Variants in GNG7 observed in about 807,000 individuals in gnomAD.
GNG7 encodes G protein subunit gamma 7.
GNG7 carries 1 observed loss-of-function variant against 4.0 expected under a neutral mutation model. The ratio of observed to expected loss-of-function variants is 0.25; its 90% CI spans 0.09 to 1.18. The LOEUF is 1.18. Ranked by LOEUF, GNG7 falls within the 50% of genes most tolerant of loss-of-function variation. The probability of loss-of-function intolerance (pLI) is 0.50; values close to 1 mark genes in which losing one functional copy is unlikely to be tolerated. For missense variants in GNG7, 86 were observed against 91.9 expected (o/e 0.94, Z 0.26); for synonymous variants, 34 against 36.9 (o/e 0.92, Z 0.29).
intron 2 of GNG7, among the ~76,000 whole-genome samples, chr19:2,556,501 G>C (rs561966930): frequency 3.9e-5 from 6 of 152,312 alleles, no homozygotes; most frequent in African/African-American, 1.4e-4. Context: ...CAAACCAATG[G>C]GTTTTTTTCC....
In GNG7 at chr19:2,513,197, A is replaced by G; in HGVS notation, c.*1825T>C. The G allele has an allele frequency of 4.4e-6, 4 of 919,448 alleles. No individual in the cohort carries two copies. The highest frequency in any genetic ancestry group is 3.9e-6 in the Non-Finnish European group (3 of 769,734). 57.0% of individuals were successfully genotyped at this position (919,448 alleles called of 1,614,324 possible). The stretch of plus-strand genomic sequence containing the variant: ...AACCCTGGCAGTCACCAGCTCAGGA[A>G]GTGAGCCAAGCAGGGATCCCCGCCT... On this transcript the variant is annotated 3_prime_UTR_variant, in exon 5 of 5. Coordinates refer to ENST00000382159, the MANE Select transcript of GNG7 (RefSeq NM_052847.3).
intron 2 of GNG7, among the ~76,000 whole-genome samples, chr19:2,561,100 C>G (rs184879691): frequency 6.6e-6 from 1 of 152,168 alleles, no homozygotes; most frequent in Non-Finnish European, 1.5e-5. Flanking sequence ...CTCTCCCTCC[C>G]CCATTCAAGG....
At chr19:2,661,670 TAAAAAA>T (rs57483197) in intron 1 of GNG7, among the ~76,000 whole-genome samples, 32,462 of 108,180 alleles carry the variant, frequency 0.3, 4,812 homozygotes, top group East Asian at 0.61. Context: ...GAGACTCCAT[TAAAAAA>T]AAAAAAAAAA....
chr19:2,554,429 G>A (rs1227090734), intron 3 of GNG7, among the ~76,000 whole-genome samples: 3 of 149,046 alleles, frequency 2.0e-5, no homozygotes, highest in South Asian at 2.1e-4. Context: ...CTGCAACCCC[G>A]AACTCCTGGG....
At chr19:2,594,480 C>T (rs1980955996) in intron 2 of GNG7, among the ~76,000 whole-genome samples, 1 of 151,914 alleles carries the variant, frequency 6.6e-6, no homozygotes, top group Non-Finnish European at 1.5e-5. Context: ...TAAAAAATTA[C>T]ATATAGTGGA....
intron 2 of GNG7, chr19:2,641,969 G>C (rs1291545137): frequency 2.0e-5 from 3 of 152,082 alleles, no homozygotes; most frequent in Non-Finnish European, 4.4e-5. Flanking sequence ...CTGGCCCTAC[G>C]TTAGACTTCT....
intron 3 of GNG7, among the ~76,000 whole-genome samples, chr19:2,543,053 C>T (rs551145568): frequency 6.6e-6 from 1 of 151,814 alleles, no homozygotes; most frequent in Non-Finnish European, 1.5e-5. Context: ...GCTGGGATTA[C>T]AGGCATCCAC....
At chr19:2,631,611 A>G (rs1329924345) in intron 2 of GNG7, among the ~76,000 whole-genome samples, 2 of 152,156 alleles carry the variant, frequency 1.3e-5, no homozygotes, top group African/African-American at 2.4e-5. Flanking sequence ...ATAAAACTTT[A>G]TTTATACAAA....
intron 2 of GNG7, among the ~76,000 whole-genome samples, chr19:2,625,986 C>T (rs898676610): frequency 7.4e-4 from 112 of 152,184 alleles, no homozygotes; most frequent in African/African-American, 2.7e-3. Flanking sequence ...TGGGGTTTCA[C>T]TATGTTGGCC....
At chr19:2,642,812 A>T (rs1490698872) in intron 2 of GNG7, 1 of 456,762 alleles carries the variant, frequency 2.2e-6, no homozygotes, top group Non-Finnish European at 4.4e-6. Context: ...ATGTTTGAAG[A>T]AGCCCAACAC....
chr19:2,565,916 G>A (rs1276531955), intron 2 of GNG7, among the ~76,000 whole-genome samples: 3 of 152,164 alleles, frequency 2.0e-5, no homozygotes, highest in East Asian at 1.9e-4. Context: ...CCAGCACTTC[G>A]GGAGGCCAGG....
chr19:2,553,538 C>A (rs954970309), intron 3 of GNG7, among the ~76,000 whole-genome samples: 2 of 148,316 alleles, frequency 1.3e-5, no homozygotes, highest in African/African-American at 5.0e-5. Context: ...CATGTAACAT[C>A]ACATTACATA....
intron 1 of GNG7, among the ~76,000 whole-genome samples, chr19:2,684,135 ATTTTTTT>A (rs547594113): frequency 8.0e-6 from 1 of 125,336 alleles, no homozygotes; most frequent in South Asian, 2.5e-4. Context: ...CAGCCTGGCC[ATTTTTTT>A]TTTTTTTTTT....
chr19:2,542,107 C>CTTTTTTTTTTTT (rs1175526574), intron 3 of GNG7, among the ~76,000 whole-genome samples: 3 of 64,570 alleles, frequency 4.6e-5, no homozygotes, highest in Non-Finnish European at 8.3e-5. Context: ...GCTGTGTGTT[C>CTTTTTTTTTTTT]TTTTTTTTTT....
chr19:2,661,265 G>GA (rs1432538844), intron 1 of GNG7, among the ~76,000 whole-genome samples: 2,257 of 56,560 alleles, frequency 0.04, 167 homozygotes, highest in East Asian at 0.073. Flanking sequence ...AAGAAAGAAA[G>GA]AAAGAAAAGA....
intron 2 of GNG7, among the ~76,000 whole-genome samples, chr19:2,581,796 T>C (rs887123659): frequency 1.3e-5 from 2 of 152,198 alleles, no homozygotes. Flanking sequence ...CTTTGTGGAA[T>C]AAAATATCAA....
chr19:2,579,394 C>T (rs752746313), intron 2 of GNG7, among the ~76,000 whole-genome samples: 12 of 152,208 alleles, frequency 7.9e-5, no homozygotes, highest in Admixed American at 1.3e-4. Flanking sequence ...GACCTGCGCC[C>T]TGGCCATCAG....
intron 2 of GNG7, among the ~76,000 whole-genome samples, chr19:2,575,825 A>G (rs1396714223): frequency 6.9e-6 from 1 of 145,334 alleles, no homozygotes; most frequent in East Asian, 2.1e-4. Context: ...ACGCAGGCAC[A>G]CGCAGACAGG....
chr19:2,696,278 GAA>G (rs965687147), intron 1 of GNG7, among the ~76,000 whole-genome samples: 4 of 124,034 alleles, frequency 3.2e-5, no homozygotes, highest in Admixed American at 9.1e-5. Context: ...AGGAGAGAAA[GAA>G]AAAGAGAGAG....
Sources: gnomAD v4.1 joint callset for allele counts (sites outside exome capture counted in the v4.1 genomes callset) on GRCh38, gnomAD v4.1.1 for gene constraint, MANE v1.5 for transcripts, NCBI Gene and HGNC (gene_info 2026-07-23, HGNC 2026-07-21) for gene names.